MPO: variants seen among roughly 807,000 people sequenced by gnomAD.
MPO encodes myeloperoxidase.
A neutral mutation model predicts 69.4 loss-of-function variants in MPO; 57 were observed. The ratio of observed to expected loss-of-function variants is 0.82; its 90% CI spans 0.66 to 1.02. The LOEUF is 1.02. MPO is among the 50% of genes least tolerant of loss of function. The pLI, the probability that MPO is intolerant of heterozygous loss-of-function variation, is 0.00. For missense variants in MPO, 971 were observed against 1,014.1 expected, an observed-to-expected ratio of 0.96 and a Z score of 0.58; for synonymous variants, 426 against 417.1, an observed-to-expected ratio of 1.02 and a Z score of -0.26.
rs776466345 is a variant in MPO at position 58,279,930 on chromosome 17, C to A, written c.333G>T (p.Thr111=). ...GCAGGTAGTCAGCGGCCCTCACCGC[C>A]GTCCTGGTGGCTGCCACCGGCTGCT... ...YFKQPVAATR[T]AVRAADYLHV... Residue 111 remains threonine, a synonymous_variant, in exon 3 of 12, where the codon ACG becomes ACT. Coordinates refer to ENST00000225275, the MANE Select transcript of MPO (RefSeq NM_000250.2). 2 of 1,613,962 alleles carry A rather than the reference C, an allele frequency of 1.2e-6. No individual in the cohort carries two copies. The highest frequency in any genetic ancestry group is 1.1e-5 in the South Asian group (1 of 91,074).
At chr17:58,280,096 A>G in intron 2 of MPO, 82 bp from the exon 3 acceptor site, 1 of 1,566,506 alleles carries the variant, frequency 6.4e-7, no homozygotes, top group African/African-American at 1.3e-5. Flanking sequence ...GCAGACATGC[A>G]GGACCATGCA....
chr17:58,279,621 A>C lies in MPO; in HGVS notation c.450T>G (p.Asn150Lys), dbSNP rs772488852. Residue 150 changes from asparagine (N) to lysine (K), a missense_variant, in exon 4 of 12, where the codon AAT (asparagine) becomes AAG (lysine). By Grantham distance (94) the Asn-to-Lys change is moderately conservative (BLOSUM62 0). Transcript: ENST00000225275. ...VTDVLTPAQL[N>K]VLSKSSGCAY... ...CGCAGCCGCTTGACTTGGACAACAC[A>C]TTCAGCTGGGCGGGCGTCAGCACAT... 6 of 1,613,970 alleles carry C rather than the reference A, an allele frequency of 3.7e-6. No individual in the cohort carries two copies. The highest frequency in any genetic ancestry group is 5.1e-6 in the Non-Finnish European group (6 of 1,180,042).
rs1490675839 is a variant in MPO, at chr17:58,279,432, G to A, written c.549-6C>T. ...CCCCCAGCGTGGGGCTGCGTCTGCA[G>A]GGGAGGACAGGGCGCTGACACCGGG... On this transcript the variant is annotated splice_polypyrimidine_tract_variant and splice_region_variant and intron_variant, in intron 4 of 11. Transcript: ENST00000225275. 3 of 1,610,898 alleles carry A rather than the reference G, an allele frequency of 1.9e-6. No homozygotes were observed. Among genetic ancestry groups the A allele is most frequent in the Non-Finnish European group, 2.5e-6 (3 of 1,178,894 alleles).
Position 58,278,110 on chromosome 17 carries a change from G to A in MPO, c.921C>T (p.Ala307=). 6.2e-7 allele frequency: 1 copy of A among 1,605,394 alleles called. No individual in the cohort carries two copies. Among genetic ancestry groups the A allele is most frequent in the Non-Finnish European group, 8.5e-7 (1 of 1,179,970 alleles). The part of the protein sequence containing the change: ...PPNDPRIKNQ[A]DCIPFFRSCP... ...AGGAGCGGAAGAACGGGATGCAGTC[G>A]GCTTGGTTCTTGATGCGGGGGTCAT... The change falls in exon 7 of 12, where the codon GCC becomes GCT. Residue 307 remains alanine (A), a synonymous_variant. Transcript: ENST00000225275.
rs2143979609 is a variant in MPO, at chr17:58,278,988, T to A, written c.885+20A>T. ...ATCTCCCCTCTCCCAACCCAGGCAG[T>A]GGGCGGGAAGCAGGGCCACCTTGAG... On this transcript the variant is annotated intron_variant, in intron 6 of 11. Coordinates refer to ENST00000225275, the MANE Select transcript of MPO (RefSeq NM_000250.2). The A allele has an allele frequency of 6.3e-7, 1 of 1,596,826 alleles. No individual in the cohort carries two copies. The highest frequency in any genetic ancestry group is 1.1e-5 in the South Asian group (1 of 89,130).
In MPO at chr17:58,270,893, C is replaced by A. The variant is rs906263253; in HGVS notation, c.2031-30G>T. The A allele has an allele frequency of 1.9e-6, 3 of 1,611,382 alleles. No individual in the cohort carries two copies. Among genetic ancestry groups the A allele is most frequent in the Non-Finnish European group, 2.5e-6 (3 of 1,179,038 alleles). ...ATGGGGAACACCCATGGACACTGTG[C>A]CCAAGGATATTCTGGGCTGGCAGGG... is the stretch of plus-strand genomic sequence containing the variant. On this transcript the variant is annotated intron_variant, in intron 11 of 11. Coordinates refer to ENST00000225275, the MANE Select transcript of MPO (RefSeq NM_000250.2). The surrounding 1 kb of genome is among the most constrained non-coding windows in gnomAD (Gnocchi z 4.1).
Position 58,280,633 on chromosome 17 carries a change from C to G in MPO, c.126G>C (p.Thr42=). ...ALAGLLAILA[T]PQPSEGAAPA... ...GAGCAGCACCTTCAGAGGGCTGGGG[C>G]GTGGCCAGAATGGCCAGGAGCCCTG... The change falls in exon 1 of 12, where the codon ACG becomes ACC. Residue 42 remains threonine, a synonymous_variant. Transcript: ENST00000225275. The G allele has an allele frequency of 1.2e-6, 2 of 1,614,224 alleles. No homozygotes were observed. Among genetic ancestry groups the G allele is most frequent in the Non-Finnish European group, 1.7e-6 (2 of 1,180,038 alleles).
chr17:58,280,257 TG>T, intron 2 of MPO, 108 bp downstream of exon 2: 1 of 1,165,922 alleles, frequency 8.6e-7, no homozygotes. Context: ...GGAGTCCACA[TG>T]GGTCCCCATA....
In MPO at chr17:58,275,701, C is replaced by T; in HGVS notation, c.1206G>A (p.Gly402=). Residue 402 remains glycine, a splice_region_variant and synonymous_variant, in exon 8 of 12, where the codon GGG becomes GGA. Transcript: ENST00000225275. The surrounding 1 kb of genome is among the most constrained non-coding windows in gnomAD (Gnocchi z 4.1). ...RSARIPCFLA[G]DTRSSEMPEL... ...CGGGCATCTCACTGGAACGGGTGTCCCCTTGGGGAGGCAAAAGCCACTGTC... is the reference window on the plus strand; with the variant it reads ...CGGGCATCTCACTGGAACGGGTGTCTCCTTGGGGAGGCAAAAGCCACTGTC... 6.2e-7 allele frequency: 1 copy of T among 1,614,122 alleles called. No individual in the cohort carries two copies. Among genetic ancestry groups the T allele is most frequent in the South Asian group, 1.1e-5 (1 of 91,084 alleles).
In MPO at chr17:58,273,597, G is replaced by A. The variant is rs377457852; in HGVS notation, c.1438C>T (p.Arg480Cys). 1.8e-5 allele frequency: 29 copies of A among 1,614,070 alleles called. No individual in the cohort carries two copies. The Middle Eastern group carries it at 6.6e-4, about 37-fold the overall frequency. ...GGGTCCACTGAGTCATTGTAGGAACGGTACGTGGGCAGGTACTTCCTCATG... is the reference window on the plus strand; with the variant it reads ...GGGTCCACTGAGTCATTGTAGGAACAGTACGTGGGCAGGTACTTCCTCATG... ...TAMRKYLPTYRSYNDSVDPRI... is the reference protein window; with the variant it reads ...TAMRKYLPTYCSYNDSVDPRI... Residue 480 changes from arginine to cysteine, a missense_variant, in exon 9 of 12, where the codon CGT becomes TGT. Transcript: ENST00000225275.
Position 58,275,788 on chromosome 17 carries a change from C to T in MPO, c.1205-86G>A. 2 of 1,499,746 alleles carry T rather than the reference C, an allele frequency of 1.3e-6. No homozygotes were observed. Among genetic ancestry groups the T allele is most frequent in the South Asian group, 1.2e-5 (1 of 85,006 alleles). The allele number at this position is 1,499,746 out of a possible 1,614,324, so 92.9% of individuals were successfully genotyped here. A position where few individuals can be genotyped will look rare whatever the true frequency, so the allele number is the denominator to read the frequency against. Reference sequence around the variant, plus strand: ...ACTGAAACCCCCTCCCCAGCCAAGGCCTGAAATGCCTCCTACTCACCCCTC... The same window carrying T: ...ACTGAAACCCCCTCCCCAGCCAAGGTCTGAAATGCCTCCTACTCACCCCTC... On this transcript the variant is annotated intron_variant, in intron 7 of 11. Transcript: ENST00000225275. The surrounding 1 kb of genome is among the most constrained non-coding windows in gnomAD (Gnocchi z 4.1).
chr17:58,270,508 T>C lies in MPO; in HGVS notation c.*148A>G. 1 of 743,240 alleles carries C rather than the reference T, an allele frequency of 1.3e-6. No homozygotes were observed. The allele number at this position is 743,240 out of a possible 1,614,324, so 46.0% of individuals were successfully genotyped here. ...AAAGCCAATTTATATACTTCGCACA[T>C]ACATGAGCACACAAATGAACGTCTA... is the stretch of plus-strand genomic sequence containing the variant. On this transcript the variant is annotated 3_prime_UTR_variant, in exon 12 of 12. Coordinates refer to ENST00000225275, the MANE Select transcript of MPO (RefSeq NM_000250.2). The surrounding 1 kb of genome is among the most constrained non-coding windows in gnomAD (Gnocchi z 4.1).
chr17:58,272,779 G>A lies in MPO; in HGVS notation c.1761C>T (p.Asn587=), dbSNP rs750114243. 6 of 1,614,140 alleles carry A rather than the reference G, an allele frequency of 3.7e-6. No homozygotes were observed. The Admixed American group carries it at 1.0e-4, about 27-fold the overall frequency. The change falls in exon 10 of 12, where the codon AAC becomes AAT. Residue 587 remains asparagine, a synonymous_variant. Transcript: ENST00000225275. The part of the protein sequence containing the change: ...MRIGLDLPAL[N]MQRSRDHGLP... ...GGCCGTGGTCCCTGCTGCGCTGCAT[G>A]TTCAGAGCAGGCAGGTCCAGCCCAA...
In MPO at chr17:58,280,362, C is replaced by G. The variant is rs369544927; in HGVS notation, c.248+4G>C. ...CCAGAGCTGGGCAGTGCCTCGTGCC[C>G]CACCTTTCCCGCCGCTCCTTGTAGG... On this transcript the variant is annotated splice_donor_region_variant and intron_variant, in intron 2 of 11. Transcript: ENST00000225275. 4.6e-5 allele frequency: 75 copies of G among 1,613,668 alleles called. No individual in the cohort carries two copies. Among genetic ancestry groups the G allele is most frequent in the Non-Finnish European group, 6.0e-5 (71 of 1,179,822 alleles).
At chr17:58,280,259 G>A in intron 2 of MPO, 107 bp downstream of exon 2, 1 of 1,176,984 alleles carries the variant, frequency 8.5e-7, no homozygotes, top group Admixed American at 1.8e-5. Context: ...AGTCCACATG[G>A]GTCCCCATAG....
At chr17:58,276,128 G>C (rs1239101679) in intron 7 of MPO, among the ~76,000 whole-genome samples, 1 of 152,214 alleles carries the variant, frequency 6.6e-6, no homozygotes, top group Non-Finnish European at 1.5e-5. Context: ...TTGGTTCATT[G>C]ATTCTCTTGA....
intron 3 of MPO, 25 bp downstream of exon 3, chr17:58,279,814 C>T: frequency 6.2e-7 from 1 of 1,613,958 alleles, no homozygotes; most frequent in South Asian, 1.1e-5. Flanking sequence ...GGAGCAGGGA[C>T]CTGGGGTGTG....
rs931371543 is a variant in MPO, at chr17:58,270,350, T to C, written c.*306A>G. On this transcript the variant is annotated 3_prime_UTR_variant, in exon 12 of 12. Transcript: ENST00000225275. The surrounding 1 kb of genome is among the most constrained non-coding windows in gnomAD (Gnocchi z 4.1). ...CCCAGGCAGTCTAGTTCCTGAGCTG[T>C]GCTCCTCACCAGTCCGCTCTGCTGC... 4.8e-6 allele frequency: 2 copies of C among 413,620 alleles called. No homozygotes were observed. The highest frequency in any genetic ancestry group is 9.2e-6 in the Non-Finnish European group (2 of 218,258). 25.6% of individuals were successfully genotyped at this position (413,620 alleles called of 1,614,324 possible).
intron 7 of MPO, among the ~76,000 whole-genome samples, chr17:58,276,675 G>A (rs952784312): frequency 2.0e-5 from 3 of 152,150 alleles, no homozygotes; most frequent in East Asian, 1.9e-4. Flanking sequence ...AGAAGAGGTC[G>A]GGCATCTCTT....
Sources: gnomAD v4.1 joint callset for allele counts (sites outside exome capture counted in the v4.1 genomes callset) on GRCh38, gnomAD v4.1.1 for gene constraint, Gnocchi (gnomAD v3.1) non-coding constraint, MANE v1.5 for transcripts, NCBI Gene and HGNC (gene_info 2026-07-23, HGNC 2026-07-21) for gene names.